LTA4H: variants seen among roughly 807,000 people sequenced by gnomAD.
LTA4H encodes leukotriene A4 hydrolase.
In LTA4H, 59 loss-of-function variants were observed where a neutral mutation model predicts 89.8. The observed-to-expected ratio is 0.66, with a 90% CI of 0.53 to 0.82. LTA4H has a LOEUF of 0.82. LTA4H is among the 40% of genes least tolerant of loss of function. LTA4H has a pLI of 0.00. For missense variants in LTA4H, 617 were observed against 727.0 expected, an observed-to-expected ratio of 0.85 and a Z score of 1.74; for synonymous variants, 227 against 253.1, an observed-to-expected ratio of 0.90 and a Z score of 0.98.
Position 96,022,399 on chromosome 12 carries a change from T to G in LTA4H, c.481-148A>C, listed in dbSNP as rs1265223069. ...AAAGTATATACATATACAAAAAGTA[T>G]ATATATACACACACATATATATGAA... is the stretch of plus-strand genomic sequence containing the variant. On this transcript the variant is annotated intron_variant, in intron 4 of 18. Coordinates refer to ENST00000228740, the MANE Select transcript of LTA4H (RefSeq NM_000895.3). This position sits in a 1 kb window ranked among gnomAD's most constrained non-coding sequence, Gnocchi z 4.0. 1 of 590,026 alleles carries G rather than the reference T, an allele frequency of 1.7e-6. No homozygotes were observed. The highest frequency in any genetic ancestry group is 1.9e-5 in the African/African-American group (1 of 53,592). 36.5% of individuals were successfully genotyped at this position (590,026 alleles called of 1,614,324 possible). A position where few individuals can be genotyped will look rare whatever the true frequency, so the allele number is the denominator to read the frequency against.
intron 2 of LTA4H, among the ~76,000 whole-genome samples, chr12:96,028,387 A>G (rs1950535340): frequency 1.3e-5 from 2 of 152,192 alleles, no homozygotes; most frequent in African/African-American, 4.8e-5. Flanking sequence ...AAAGGGAAAG[A>G]GAAGGCATGA....
intron 1 of LTA4H, among the ~76,000 whole-genome samples, chr12:96,029,522 A>C (rs886142534): frequency 2.0e-4 from 30 of 152,164 alleles, no homozygotes; most frequent in Middle Eastern, 3.2e-3. Context: ...CTATAACTTA[A>C]GTTTCTTTCA....
At chr12:96,008,586 A>G (rs1592870501) in intron 15 of LTA4H, among the ~76,000 whole-genome samples, 1 of 152,014 alleles carries the variant, frequency 6.6e-6, no homozygotes, top group Non-Finnish European at 1.5e-5. Context: ...AAAAATCAGG[A>G]TTAATGCCTT....
chr12:96,010,467 T>C (rs1481393634), intron 14 of LTA4H: 1 of 152,204 alleles, frequency 6.6e-6, no homozygotes. Context: ...CAAGAAATGC[T>C]TCCAAGAGGA....
rs1566014075 is a variant in LTA4H, at chr12:96,024,481, C to T, written c.478G>A (p.Glu160Lys). 6.3e-7 allele frequency: 1 copy of T among 1,588,942 alleles called. No individual in the cohort carries two copies. The highest frequency in any genetic ancestry group is 8.6e-7 in the Non-Finnish European group (1 of 1,157,620). Residue 160 changes from glutamate to lysine, a missense_variant and splice_region_variant, in exon 4 of 19, where the codon GAG (glutamate) becomes AAG (lysine). By Grantham distance (56) the Glu-to-Lys change is moderately conservative (BLOSUM62 1). This residue lies in a region of LTA4H where 172 missense variants were observed against 244.5 expected (regional missense o/e 0.70). Transcript: ENST00000228740. ...AGTTAATAATTCGTAATATTTACCT[C>T]TGCAGTATAGGTTAATTTCACAGAA... ...TPSVKLTYTA[E>K]VSVPKELVAL...
At chr12:96,039,796 C>T (rs1226340927), upstream of LTA4H, among the ~76,000 whole-genome samples, 1 of 152,250 alleles carries the variant, frequency 6.6e-6, no homozygotes, top group Non-Finnish European at 1.5e-5. Flanking sequence ...ATTGTTTTCT[C>T]CCCTTCCTTT....
At chr12:96,034,655 A>T (rs1950615730) in intron 1 of LTA4H, among the ~76,000 whole-genome samples, 1 of 152,260 alleles carries the variant, frequency 6.6e-6, no homozygotes, top group Non-Finnish European at 1.5e-5. Flanking sequence ...GTTAGCAAGC[A>T]GGGACTGTTA....
At chr12:96,037,986 G>A (rs945625917), upstream of LTA4H, among the ~76,000 whole-genome samples, 2 of 152,104 alleles carry the variant, frequency 1.3e-5, no homozygotes, top group Admixed American at 6.5e-5. Context: ...CACCGCGCCC[G>A]GCCGAGAAAG....
chr12:96,023,496 A>G (rs1473411946), intron 4 of LTA4H, among the ~76,000 whole-genome samples: 1 of 152,044 alleles, frequency 6.6e-6, no homozygotes, highest in African/African-American at 2.4e-5. Context: ...GACTTCACGC[A>G]GTTATTAAGT....
chr12:96,018,076 A>G (rs184309340), intron 8 of LTA4H, among the ~76,000 whole-genome samples: 4 of 152,106 alleles, frequency 2.6e-5, no homozygotes, highest in East Asian at 1.9e-4. Context: ...TTTCCTGTAC[A>G]TGGTGTACTG....
At chr12:96,017,340 G>C (rs1950393830) in intron 9 of LTA4H, among the ~76,000 whole-genome samples, 1 of 152,010 alleles carries the variant, frequency 6.6e-6, no homozygotes, top group Non-Finnish European at 1.5e-5. Flanking sequence ...ATATTAAATA[G>C]ATATATCACT....
chr12:96,013,180 G>GTACT lies in LTA4H; in HGVS notation c.1379+4_1379+7dup. 1 of 1,609,766 alleles carries GTACT rather than the reference G, an allele frequency of 6.2e-7. No individual in the cohort carries two copies. The highest frequency in any genetic ancestry group is 8.5e-7 in the Non-Finnish European group (1 of 1,176,144). On this transcript the variant is annotated splice_region_variant and intron_variant, in intron 14 of 18. Transcript: ENST00000228740. ...TGAGAAGGAAAGCATTAGCAGGCAA[G>GTACT]TACTTACTTGGGCTTTATGGGAGGC...
chr12:96,016,745 C>CA (rs1378046195), intron 10 of LTA4H, among the ~76,000 whole-genome samples: 1 of 151,296 alleles, frequency 6.6e-6, no homozygotes, highest in Non-Finnish European at 1.5e-5. Flanking sequence ...TACTAAAATA[C>CA]AAAAAATTAG....
At chr12:96,001,437 A>G (rs1428396051) in intron 18 of LTA4H, among the ~76,000 whole-genome samples, 2 of 152,148 alleles carry the variant, frequency 1.3e-5, no homozygotes, top group Non-Finnish European at 2.9e-5. Context: ...GAAGGGCTAG[A>G]GTGGCTGGGA....
Position 96,021,111 on chromosome 12 carries a change from A to G in LTA4H, c.612T>C (p.Ala204=). 1 of 1,601,924 alleles carries G rather than the reference A, an allele frequency of 6.2e-7. No individual in the cohort carries two copies. The highest frequency in any genetic ancestry group is 8.5e-7 in the Non-Finnish European group (1 of 1,176,492). ...TGCTTTCTAAAGCTCCAACAACTAA[A>G]GCAATCAGGTAGCAGGGTATTGGAA... is the stretch of plus-strand genomic sequence containing the variant. The part of the protein sequence containing the change: ...QKVPIPCYLI[A]LVVGALESRQ... The change falls in exon 6 of 19, where the codon GCT becomes GCC. Residue 204 remains alanine, a synonymous_variant. Coordinates refer to ENST00000228740, the MANE Select transcript of LTA4H (RefSeq NM_000895.3).
rs1444578897 is a variant in LTA4H at position 96,000,956 on chromosome 12, G to C, written c.*33C>G. 1 of 1,363,092 alleles carries C rather than the reference G, an allele frequency of 7.3e-7. No individual in the cohort carries two copies. The highest frequency in any genetic ancestry group is 1.0e-6 in the Non-Finnish European group (1 of 955,358). The allele number at this position is 1,363,092 out of a possible 1,614,324, so 84.4% of individuals were successfully genotyped here. On this transcript the variant is annotated 3_prime_UTR_variant, in exon 19 of 19. Coordinates refer to ENST00000228740, the MANE Select transcript of LTA4H (RefSeq NM_000895.3). Reference sequence around the variant, plus strand: ...TTCTTTACGAATTCCATTTAAAAAAGAGAAATCTCTAAAATCATCAATACG... The same window carrying C: ...TTCTTTACGAATTCCATTTAAAAAACAGAAATCTCTAAAATCATCAATACG...
intron 14 of LTA4H, chr12:96,012,370 A>C (rs1191051262): frequency 6.6e-6 from 1 of 152,162 alleles, no homozygotes; most frequent in Admixed American, 6.5e-5. Context: ...ACAACTCGTG[A>C]AAGACCAGGG....
chr12:96,002,007 A>G (rs545596650), intron 18 of LTA4H, among the ~76,000 whole-genome samples: 2 of 152,142 alleles, frequency 1.3e-5, no homozygotes, highest in African/African-American at 4.8e-5. Flanking sequence ...ACAGGTGCCT[A>G]CCACCACACC....
chr12:96,014,743 T>A (rs1329198251), intron 12 of LTA4H, 112 bp downstream of exon 12: 1 of 1,018,862 alleles, frequency 9.8e-7, no homozygotes, highest in Non-Finnish European at 1.4e-6. Context: ...AGCAGCTACA[T>A]CCAGAATGAA....
Sources: gnomAD v4.1 joint callset for allele counts (sites outside exome capture counted in the v4.1 genomes callset) on GRCh38, gnomAD v4.1.1 for gene constraint, gnomAD v4.1.1 regional missense constraint, Gnocchi (gnomAD v3.1) non-coding constraint, MANE v1.5 for transcripts, NCBI Gene and HGNC (gene_info 2026-07-23, HGNC 2026-07-21) for gene names.